Variants in DYRK1A observed in about 807,000 individuals in gnomAD.
The protein encoded by DYRK1A is dual specificity tyrosine-phosphorylation-regulated kinase 1A.
A neutral mutation model predicts 79.7 loss-of-function variants in DYRK1A; 9 were observed. The observed-to-expected ratio is 0.11, with a 90% confidence interval of 0.07 to 0.20. DYRK1A has a LOEUF of 0.20. DYRK1A is among the 10% of genes least tolerant of loss of function. DYRK1A has a pLI of 1.00. For missense variants in DYRK1A, 622 were observed against 956.0 expected, an observed-to-expected ratio of 0.65 and a Z score of 4.61; for synonymous variants, 349 against 329.7, an observed-to-expected ratio of 1.06 and a Z score of -0.63.
At chr21:37,435,125 A>G (rs752122296) in intron 2 of DYRK1A, among the ~76,000 whole-genome samples, 14 of 152,218 alleles carry the variant, frequency 9.2e-5, no homozygotes, top group African/African-American at 1.7e-4. Flanking sequence ...TCTAAACGTG[A>G]AAGTGTTAAC....
intron 11 of DYRK1A, among the ~76,000 whole-genome samples, chr21:37,509,405 T>A (rs1405443599): frequency 6.6e-6 from 1 of 152,222 alleles, no homozygotes; most frequent in Non-Finnish European, 1.5e-5. Context: ...GTTTAGATAT[T>A]CCATAAGTCT....
chr21:37,403,863 A>G (rs939532220), intron 1 of DYRK1A, among the ~76,000 whole-genome samples: 4 of 151,106 alleles, frequency 2.6e-5, no homozygotes, highest in African/African-American at 9.8e-5. Flanking sequence ...GTCACCTTGA[A>G]CTTGTGTAGG....
rs2050944010 is a variant in DYRK1A, at chr21:37,437,002, T to C, written c.10+16618T>C. ...TTCTTGGCGAAAATGGTATTTCATA[T>C]GGTCTTGAGGAATGGGCAGTATTTT... On this transcript the variant is annotated intron_variant, in intron 2 of 11. Transcript: ENST00000647188. Among the ~76,000 whole-genome samples the C allele has an allele frequency of 2.0e-5, 3 of 152,164 alleles. No individual in the cohort carries two copies. The South Asian group carries it at 6.2e-4, about 32-fold the overall frequency.
At chr21:37,489,247 A>T (rs978443820) in intron 6 of DYRK1A, among the ~76,000 whole-genome samples, 2 of 152,134 alleles carry the variant, frequency 1.3e-5, no homozygotes, top group Non-Finnish European at 2.9e-5. Flanking sequence ...ACCTTGACAG[A>T]TGGGTGTTTT....
intron 5 of DYRK1A, among the ~76,000 whole-genome samples, chr21:37,483,950 A>G (rs2052753477): frequency 6.6e-6 from 1 of 152,050 alleles, no homozygotes; most frequent in Admixed American, 6.5e-5. Flanking sequence ...CTCTTAAGGA[A>G]AGGCATTTGT....
At chr21:37,473,918 TTTAA>T (rs1280209725) in intron 3 of DYRK1A, among the ~76,000 whole-genome samples, 1 of 152,170 alleles carries the variant, frequency 6.6e-6, no homozygotes, top group African/African-American at 2.4e-5. Flanking sequence ...TTAGGAAGTG[TTTAA>T]TTGTGTACCA....
intron 2 of DYRK1A, among the ~76,000 whole-genome samples, chr21:37,430,619 C>T (rs977169826): frequency 6.6e-6 from 1 of 152,190 alleles, no homozygotes; most frequent in Non-Finnish European, 1.5e-5. Flanking sequence ...TGTGGACTGA[C>T]AGGCAGGCTT....
chr21:37,482,047 G>C (rs906258645), intron 5 of DYRK1A, among the ~76,000 whole-genome samples: 1 of 152,160 alleles, frequency 6.6e-6, no homozygotes, highest in African/African-American at 2.4e-5. Context: ...ACTTTTCGAT[G>C]ATGAGGATAG....
chr21:37,478,703 A>G (rs2052491617), intron 4 of DYRK1A, among the ~76,000 whole-genome samples: 1 of 152,204 alleles, frequency 6.6e-6, no homozygotes. Flanking sequence ...CATGGGTGTC[A>G]GGAAGCTCTG....
At chr21:37,458,304 G>GTGTGTGTGTA (rs1366699533) in intron 2 of DYRK1A, among the ~76,000 whole-genome samples, 3,502 of 150,638 alleles carry the variant, frequency 0.023, 77 homozygotes, top group Middle Eastern at 0.056. Flanking sequence ...GTGTGTGTGT[G>GTGTGTGTGTA]TGTACATATA....
At chr21:37,432,616 C>G (rs1333392776) in intron 2 of DYRK1A, among the ~76,000 whole-genome samples, 3 of 152,010 alleles carry the variant, frequency 2.0e-5, no homozygotes, top group Non-Finnish European at 4.4e-5. Flanking sequence ...CTATTTCTAC[C>G]TAAAATATAA....
At chr21:37,488,070 T>G (rs2052937297) in intron 6 of DYRK1A, 1 of 152,292 alleles carries the variant, frequency 6.6e-6, no homozygotes, top group Admixed American at 6.5e-5. Flanking sequence ...TTAATTCTGC[T>G]TTATTTAAAA....
intron 6 of DYRK1A, among the ~76,000 whole-genome samples, chr21:37,489,100 C>T (rs2052982870): frequency 6.6e-6 from 1 of 152,112 alleles, no homozygotes; most frequent in Non-Finnish European, 1.5e-5. Flanking sequence ...TTGAGGCAGG[C>T]AGCCCAGGAC....
intron 1 of DYRK1A, among the ~76,000 whole-genome samples, chr21:37,387,589 T>C (rs574514980): frequency 6.6e-6 from 1 of 152,332 alleles, no homozygotes; most frequent in East Asian, 1.9e-4. Flanking sequence ...TATGAAATTC[T>C]TGCTCTCTGG....
intron 6 of DYRK1A, chr21:37,488,764 T>A: frequency 2.0e-6 from 2 of 985,400 alleles, no homozygotes; most frequent in Non-Finnish European, 2.4e-6. Flanking sequence ...GGAATTTTTA[T>A]AATCACATTA....
intron 2 of DYRK1A, among the ~76,000 whole-genome samples, chr21:37,460,023 C>G (rs2051785778): frequency 6.6e-6 from 1 of 152,068 alleles, no homozygotes; most frequent in South Asian, 2.1e-4. Context: ...TGCATTTGCT[C>G]AAACTTAAAC....
intron 1 of DYRK1A, among the ~76,000 whole-genome samples, chr21:37,387,626 T>C (rs971421503): frequency 3.9e-5 from 6 of 152,238 alleles, no homozygotes; most frequent in African/African-American, 1.4e-4. Flanking sequence ...TTTGCATATT[T>C]TCCAGCATGG....
At chr21:37,458,967 C>T (rs2051750303) in intron 2 of DYRK1A, among the ~76,000 whole-genome samples, 1 of 152,200 alleles carries the variant, frequency 6.6e-6, no homozygotes, top group South Asian at 2.1e-4. Context: ...AATGTGCTTG[C>T]CGTGTGACAT....
At chr21:37,403,808 T>C (rs2050102366) in intron 1 of DYRK1A, among the ~76,000 whole-genome samples, 1 of 151,486 alleles carries the variant, frequency 6.6e-6, no homozygotes, top group Admixed American at 6.6e-5. Flanking sequence ...GTTTTTTTTT[T>C]TTTCTTCTCC....
Sources: gnomAD v4.1 joint callset for allele counts (sites outside exome capture counted in the v4.1 genomes callset) on GRCh38, gnomAD v4.1.1 for gene constraint, MANE v1.5 for transcripts, NCBI Gene and HGNC (gene_info 2026-07-23, HGNC 2026-07-21) for gene names.